Variants in NCKAP5 observed in about 807,000 individuals in gnomAD.
The protein encoded by NCKAP5 is nck-associated protein 5.
Under a neutral mutation model 167.0 loss-of-function variants are expected in NCKAP5, and 92 were observed. That is an observed-to-expected ratio of 0.55 (90% CI 0.47 to 0.66). The LOEUF (loss-of-function observed/expected upper bound fraction) is 0.66, where lower values mean the gene tolerates loss of function less well. Ranked by LOEUF, NCKAP5 falls within the 30% of genes least tolerant of loss-of-function variation. NCKAP5 has a pLI of 0.00. For synonymous variants in NCKAP5, 891 were observed against 877.4 expected (o/e 1.02, Z -0.27); for missense variants, 2,378 against 2,315.0 (o/e 1.03, Z -0.56).
chr2:133,650,384 AT>A, the NCKAP5 span, among the ~76,000 whole-genome samples: 890 of 152,372 alleles, frequency 5.8e-3, 4 homozygotes, highest in African/African-American at 0.02. Context: ...CATAGAGAAT[AT>A]CAAAAGACCA....
At chr2:133,428,395 C>T (rs1574939410) in intron 3 of NCKAP5, among the ~76,000 whole-genome samples, 1 of 151,928 alleles carries the variant, frequency 6.6e-6, no homozygotes, top group East Asian at 1.9e-4. Context: ...TTACATTATT[C>T]GGTAAATTAT....
intron 3 of NCKAP5, among the ~76,000 whole-genome samples, chr2:133,367,384 C>T (rs1324487071): frequency 6.6e-6 from 1 of 152,184 alleles, no homozygotes; most frequent in African/African-American, 2.4e-5. Flanking sequence ...ATCTCAGCCA[C>T]AACTGGTTTT....
At position 133,429,482 on chromosome 2, in the gene NCKAP5, C is replaced by T. The variant is rs144210530; in HGVS notation, c.69+87976G>A. Among the ~76,000 whole-genome samples the T allele has an allele frequency of 3.1e-3, 475 of 151,970 alleles. 4 individuals carry two copies. The highest frequency in any genetic ancestry group is 0.01 in the African/African-American group (417 of 41,430). On this transcript the variant is annotated intron_variant, in intron 3 of 19. Coordinates refer to ENST00000409261, the MANE Select transcript of NCKAP5 (RefSeq NM_207363.3). ...TCCCTCCATTTTTAGTCCTTGCCTC[C>T]CTCCCTCCTTCAAGGTCTACTGTTC...
At chr2:133,126,160 C>T (rs2082398207) in intron 6 of NCKAP5, among the ~76,000 whole-genome samples, 2 of 152,196 alleles carry the variant, frequency 1.3e-5, no homozygotes, top group African/African-American at 2.4e-5. Context: ...CTACTTCCCA[C>T]GTGTACCTAA....
At chr2:133,208,685 C>T (rs1163486207) in intron 5 of NCKAP5, among the ~76,000 whole-genome samples, 2 of 152,128 alleles carry the variant, frequency 1.3e-5, no homozygotes, top group African/African-American at 4.8e-5. Context: ...AATAGTGTAT[C>T]AATATTAGCT....
chr2:132,730,140 G>A (rs1690849249), intron 17 of NCKAP5, among the ~76,000 whole-genome samples: 1 of 152,126 alleles, frequency 6.6e-6, no homozygotes, highest in African/African-American at 2.4e-5. Flanking sequence ...CCTGCAGTGT[G>A]TTCACCTCAC....
intron 2 of NCKAP5, among the ~76,000 whole-genome samples, chr2:133,521,386 T>C (rs1684461946): frequency 6.6e-6 from 1 of 152,260 alleles, no homozygotes; most frequent in Non-Finnish European, 1.5e-5. Context: ...ACTACATTTC[T>C]AGTGCAAACT....
chr2:133,046,122 T>C (rs1280329516), intron 6 of NCKAP5, among the ~76,000 whole-genome samples: 1 of 152,190 alleles, frequency 6.6e-6, no homozygotes, highest in Non-Finnish European at 1.5e-5. Flanking sequence ...TTCTAAATTT[T>C]TCCATTTAAT....
At chr2:132,766,332 T>C (rs1473042074) in intron 16 of NCKAP5, among the ~76,000 whole-genome samples, 1 of 116,146 alleles carries the variant, frequency 8.6e-6, no homozygotes, top group Non-Finnish European at 1.8e-5. Context: ...ATGTAAACCA[T>C]ATGAGGCAGA....
chr2:133,019,733 G>C (rs1019189920), intron 6 of NCKAP5, among the ~76,000 whole-genome samples: 2 of 152,148 alleles, frequency 1.3e-5, no homozygotes, highest in African/African-American at 4.8e-5. Flanking sequence ...CCAAACCTAA[G>C]AGAAGGAACC....
chr2:132,805,586 A>G (rs1685365539), intron 11 of NCKAP5, among the ~76,000 whole-genome samples: 2 of 151,864 alleles, frequency 1.3e-5, no homozygotes, highest in Admixed American at 1.3e-4. Flanking sequence ...TTTGCTTTTT[A>G]GATCACTACA....
intron 3 of NCKAP5, among the ~76,000 whole-genome samples, chr2:133,311,203 G>T (rs1201376652): frequency 6.6e-6 from 1 of 152,170 alleles, no homozygotes; most frequent in African/African-American, 2.4e-5. Flanking sequence ...ATAAATCAGG[G>T]TTCCCACCAC....
chr2:133,580,131 C>A, the NCKAP5 span, among the ~76,000 whole-genome samples: 1 of 152,304 alleles, frequency 6.6e-6, no homozygotes, highest in African/African-American at 2.4e-5. Context: ...TGTCTCCCAG[C>A]TTCCTTTCGG....
intron 3 of NCKAP5, among the ~76,000 whole-genome samples, chr2:133,324,419 G>C (rs933307748): frequency 2.0e-5 from 3 of 152,232 alleles, no homozygotes; most frequent in African/African-American, 7.2e-5. Flanking sequence ...AGGTAGGAAA[G>C]TCTGTTTTAT....
In NCKAP5 at chr2:133,439,712, C is replaced by T. The variant is rs117782144; in HGVS notation, c.69+77746G>A. Among the ~76,000 whole-genome samples, 165 of 152,328 alleles carry T rather than the reference C, an allele frequency of 1.1e-3. 5 individuals are homozygous for T. The East Asian group carries it at 0.029, about 26-fold the overall frequency. On this transcript the variant is annotated intron_variant, in intron 3 of 19. Transcript: ENST00000409261. Reference sequence around the variant, plus strand: ...ACCATGATCCTTGTCAATGATGAGTCAGTATACCCCTATAATGTCTCATCT... The same window carrying T: ...ACCATGATCCTTGTCAATGATGAGTTAGTATACCCCTATAATGTCTCATCT...
At chr2:132,872,703 T>A (rs1690921911) in intron 9 of NCKAP5, among the ~76,000 whole-genome samples, 1 of 152,198 alleles carries the variant, frequency 6.6e-6, no homozygotes, top group Admixed American at 6.5e-5. Context: ...AAAGCCACTG[T>A]CATGTCAACA....
At chr2:133,569,631 G>A (rs1197536685), upstream of NCKAP5, among the ~76,000 whole-genome samples, 1 of 152,114 alleles carries the variant, frequency 6.6e-6, no homozygotes, top group Non-Finnish European at 1.5e-5. Context: ...CTGATTCTGT[G>A]GCATGGAGTG....
At chr2:133,541,928 C>G (rs1686257822) in intron 2 of NCKAP5, among the ~76,000 whole-genome samples, 1 of 152,120 alleles carries the variant, frequency 6.6e-6, no homozygotes, top group Non-Finnish European at 1.5e-5. Flanking sequence ...CAGTTTCTCC[C>G]ATGAACTCCC....
chr2:132,855,809 C>T (rs2105510522), intron 11 of NCKAP5, among the ~76,000 whole-genome samples: 1 of 152,266 alleles, frequency 6.6e-6, no homozygotes, highest in South Asian at 2.1e-4. Flanking sequence ...CTCACTTCAA[C>T]TACATATATG....
Sources: allele counts gnomAD v4.1 joint callset (sites outside exome capture counted in the v4.1 genomes callset), GRCh38; gene constraint gnomAD v4.1.1; transcripts MANE v1.5; gene names NCBI Gene and HGNC (gene_info 2026-07-23, HGNC 2026-07-21).